LRRTM4: variants seen among roughly 807,000 people sequenced by gnomAD.
The protein encoded by LRRTM4 is leucine rich repeat transmembrane neuronal 4.
Under a neutral mutation model 47.6 loss-of-function variants are expected in LRRTM4, and 25 were observed. The ratio of observed to expected loss-of-function variants is 0.53; its 90% CI spans 0.38 to 0.73. The LOEUF (loss-of-function observed/expected upper bound fraction) is 0.73. LRRTM4 is among the 30% of genes least tolerant of loss of function. The pLI is 0.00. For synonymous variants in LRRTM4, 311 were observed against 269.5 expected (o/e 1.15, Z -1.51); for missense variants, 638 against 713.4 (o/e 0.89, Z 1.20).
At position 77,341,283 on chromosome 2, in the gene LRRTM4, G is replaced by A. The variant is rs575351953; in HGVS notation, c.1551+177035C>T. ...GATCAAATTTTCCTAGGCTTTTTGT[G>A]TTGCTCAGTACCCATGAATGAATCA... On this transcript the variant is annotated intron_variant, in intron 3 of 3. Transcript: ENST00000409884. Among the ~76,000 whole-genome samples, 3 of 151,944 alleles carry A rather than the reference G, an allele frequency of 2.0e-5. No individual in the cohort carries two copies. In the South Asian group the frequency reaches 6.2e-4, roughly 32 times the overall value.
chr2:77,448,996 A>G (rs1676156592), intron 3 of LRRTM4, among the ~76,000 whole-genome samples: 1 of 152,184 alleles, frequency 6.6e-6, no homozygotes, highest in Non-Finnish European at 1.5e-5. Flanking sequence ...AAGTATTTTT[A>G]TAGTTCCTTT....
chr2:76,884,599 T>C (rs1323634306), intron 3 of LRRTM4, among the ~76,000 whole-genome samples: 1 of 152,174 alleles, frequency 6.6e-6, no homozygotes, highest in East Asian at 1.9e-4. Context: ...TTATGTACAT[T>C]AATATGTGTA....
At position 77,411,515 on chromosome 2, in the gene LRRTM4, T is replaced by C. The variant is rs1371701435; in HGVS notation, c.1551+106803A>G. On this transcript the variant is annotated intron_variant, in intron 3 of 3. Transcript: ENST00000409884. ...TCGCCCAGGCTGGGGTGCAGTGGCGTGATCTCGGCTCACTGCAAGCTCCGC... is the reference window on the plus strand; with the variant it reads ...TCGCCCAGGCTGGGGTGCAGTGGCGCGATCTCGGCTCACTGCAAGCTCCGC... Among the ~76,000 whole-genome samples, 65 of 145,746 alleles carry C rather than the reference T, an allele frequency of 4.5e-4. No homozygotes were observed. In the East Asian group the frequency reaches 9.9e-3, roughly 22 times the overall value.
intron 3 of LRRTM4, among the ~76,000 whole-genome samples, chr2:77,040,277 G>A (rs1678982396): frequency 6.6e-6 from 1 of 151,260 alleles, no homozygotes; most frequent in African/African-American, 2.4e-5. Flanking sequence ...ATAAAATCAT[G>A]ATGTATGCAA....
At chr2:76,793,959 T>G (rs184464789) in intron 3 of LRRTM4, among the ~76,000 whole-genome samples, 38 of 152,346 alleles carry the variant, frequency 2.5e-4, no homozygotes, top group Admixed American at 2.4e-3. Context: ...AAAATACTGG[T>G]GCAACAATGT....
At chr2:77,278,254 C>T (rs1196300134) in intron 3 of LRRTM4, among the ~76,000 whole-genome samples, 1 of 152,092 alleles carries the variant, frequency 6.6e-6, no homozygotes, top group East Asian at 1.9e-4. Context: ...CTATTTTTAA[C>T]AGTTCTTATA....
At chr2:77,249,481 G>C (rs918721390) in intron 3 of LRRTM4, among the ~76,000 whole-genome samples, 2 of 107,530 alleles carry the variant, frequency 1.9e-5, no homozygotes, top group African/African-American at 7.8e-5. Context: ...CATTGTTATT[G>C]AAAATATTAA....
At position 77,518,433 on chromosome 2, in the gene LRRTM4, G is replaced by T; in HGVS notation, c.1436C>A (p.Ser479Tyr). 6.2e-7 allele frequency: 1 copy of T among 1,613,192 alleles called. No individual in the cohort carries two copies. The highest frequency in any genetic ancestry group is 8.5e-7 in the Non-Finnish European group (1 of 1,179,542). The change falls in exon 3 of 4, where the codon TCC becomes TAC. Residue 479 changes from serine (S) to tyrosine (Y), a missense_variant. Physicochemically the swap from Ser to Tyr is moderately radical, Grantham distance 144. Coordinates refer to ENST00000409884, the MANE Select transcript of LRRTM4 (RefSeq NM_001134745.3). ...GTCCACATAATACTCCTGTAAAGGG[G>T]AATTCATTTGTCTTTCAGACTCTCT... The part of the protein sequence containing the change: ...KARESERQMN[S>Y]PLQEYYVDYK...
At chr2:76,877,054 A>C (rs2104084474) in intron 3 of LRRTM4, among the ~76,000 whole-genome samples, 1 of 152,218 alleles carries the variant, frequency 6.6e-6, no homozygotes, top group Non-Finnish European at 1.5e-5. Flanking sequence ...CTCATCTAGA[A>C]TTTATTAGGG....
chr2:77,426,839 AC>A (rs1675128345), intron 3 of LRRTM4, among the ~76,000 whole-genome samples: 8 of 151,942 alleles, frequency 5.3e-5, no homozygotes, highest in Admixed American at 2.6e-4. Flanking sequence ...ATGCACACAC[AC>A]ACACACAGAG....
At chr2:77,079,877 C>T (rs1172166598) in intron 3 of LRRTM4, among the ~76,000 whole-genome samples, 1 of 151,740 alleles carries the variant, frequency 6.6e-6, no homozygotes, top group African/African-American at 2.4e-5. Context: ...ATGATTTCTA[C>T]AATTAAAACA....
At chr2:77,472,385 ATGT>A (rs959621196) in intron 3 of LRRTM4, among the ~76,000 whole-genome samples, 7 of 152,180 alleles carry the variant, frequency 4.6e-5, no homozygotes, top group Non-Finnish European at 1.0e-4. Flanking sequence ...ATTGACAAAA[ATGT>A]TGTTACCAGA....
At chr2:76,782,385 C>T (rs546998402) in intron 3 of LRRTM4, among the ~76,000 whole-genome samples, 5 of 152,204 alleles carry the variant, frequency 3.3e-5, no homozygotes, top group South Asian at 2.1e-4. Context: ...GGAGAAGTTC[C>T]AGTATAACTA....
intron 3 of LRRTM4, among the ~76,000 whole-genome samples, chr2:76,905,754 A>AGATGAAATG (rs1438097119): frequency 2.0e-5 from 3 of 151,822 alleles, no homozygotes; most frequent in Admixed American, 6.6e-5. Context: ...CAGTGATGGA[A>AGATGAAATG]GATGAAATGA....
chr2:76,813,287 TC>T (rs1351040659), intron 3 of LRRTM4, among the ~76,000 whole-genome samples: 8 of 152,200 alleles, frequency 5.3e-5, no homozygotes, highest in Non-Finnish European at 1.2e-4. Flanking sequence ...GAATGATTTT[TC>T]TTTACATAAA....
rs114863848 is a variant in LRRTM4, at chr2:77,471,216, G to T, written c.1551+47102C>A. Among the ~76,000 whole-genome samples the T allele has an allele frequency of 7.9e-3, 1,195 of 151,972 alleles. 5 individuals carry two copies. Among genetic ancestry groups the T allele is most frequent in the Non-Finnish European group, 0.011 (779 of 67,964 alleles). On this transcript the variant is annotated intron_variant, in intron 3 of 3. Transcript: ENST00000409884. The stretch of plus-strand genomic sequence containing the variant: ...CATTGAAAGCAATTCTATTCTTCTT[G>T]CTGCTCAGGTAGTCATCATACAGTT...
intron 3 of LRRTM4, among the ~76,000 whole-genome samples, chr2:76,771,843 GACTCTA>G (rs1453883317): frequency 6.6e-6 from 1 of 151,930 alleles, no homozygotes; most frequent in Non-Finnish European, 1.5e-5. Flanking sequence ...CATCCTGGAG[GACTCTA>G]ACTCTATGTG....
chr2:76,801,855 C>A (rs1322759977), intron 3 of LRRTM4, among the ~76,000 whole-genome samples: 2 of 151,928 alleles, frequency 1.3e-5, no homozygotes, highest in East Asian at 3.9e-4. Context: ...CACATTAACA[C>A]AATGAAGGAC....
Position 77,342,675 on chromosome 2 carries a change from C to T in LRRTM4, c.1551+175643G>A, listed in dbSNP as rs79490010. ...GTATAATAAAATATCTTCCAGAGAA[C>T]AGTCATTTAATAAATTAAAACTGTC... On this transcript the variant is annotated intron_variant, in intron 3 of 3. Coordinates refer to ENST00000409884, the MANE Select transcript of LRRTM4 (RefSeq NM_001134745.3). 6.6e-3 allele frequency among the ~76,000 whole-genome samples: 996 copies of T among 151,964 alleles called. 7 individuals carry two copies. The highest frequency in any genetic ancestry group is 0.023 in the African/African-American group (947 of 41,500).
Sources: allele counts gnomAD v4.1 joint callset (sites outside exome capture counted in the v4.1 genomes callset), GRCh38; gene constraint gnomAD v4.1.1; transcripts MANE v1.5; gene names NCBI Gene and HGNC (gene_info 2026-07-23, HGNC 2026-07-21).